Variants in ATP2B2 observed in about 807,000 individuals in gnomAD.
The protein encoded by ATP2B2 is plasma membrane calcium-transporting ATPase 2.
ATP2B2 carries 15 observed loss-of-function variants against 120.0 expected under a neutral mutation model. That is an observed-to-expected ratio of 0.12 (90% CI 0.08 to 0.19). The LOEUF is 0.19. ATP2B2 is among the 10% of genes least tolerant of loss of function. The pLI is 1.00. For synonymous variants in ATP2B2, 694 were observed against 700.3 expected (o/e 0.99, Z 0.14); for missense variants, 1,045 against 1,719.8 (o/e 0.61, Z 6.94).
At chr3:10,659,386 AG>A (rs1276328230) in intron 1 of ATP2B2, among the ~76,000 whole-genome samples, 2 of 152,238 alleles carry the variant, frequency 1.3e-5, no homozygotes, top group Non-Finnish European at 2.9e-5. Context: ...CTCAAAATAA[AG>A]GGATGGAGGA....
intron 1 of ATP2B2, among the ~76,000 whole-genome samples, chr3:10,472,073 T>C (rs1440911303): frequency 2.1e-5 from 2 of 96,174 alleles, no homozygotes; most frequent in Admixed American, 1.4e-4. Flanking sequence ...AGAGCGAGAC[T>C]CCGTCTCAAA....
intron 2 of ATP2B2, among the ~76,000 whole-genome samples, chr3:10,557,093 T>C (rs2067797525): frequency 6.6e-6 from 1 of 152,178 alleles, no homozygotes; most frequent in South Asian, 2.1e-4. Flanking sequence ...GGTTCCCTTC[T>C]CCCTCTCCTG....
At chr3:10,606,058 C>T (rs894968616) in intron 2 of ATP2B2, among the ~76,000 whole-genome samples, 1 of 152,116 alleles carries the variant, frequency 6.6e-6, no homozygotes, top group Non-Finnish European at 1.5e-5. Flanking sequence ...TTCAAGGCTG[C>T]AGCGAGCTAC....
chr3:10,461,881 T>C (rs575090937), intron 1 of ATP2B2, among the ~76,000 whole-genome samples: 102 of 152,302 alleles, frequency 6.7e-4, no homozygotes, highest in African/African-American at 2.4e-3. Context: ...GGGTGGCTTC[T>C]GGTGAGGACC....
rs2059915302 is a variant in ATP2B2 at position 10,329,180 on chromosome 3, G to C, written c.3421-55C>G. On this transcript the variant is annotated intron_variant, in intron 22 of 22. Coordinates refer to ENST00000360273, the MANE Select transcript of ATP2B2 (RefSeq NM_001001331.4). This position sits in a 1 kb window ranked among gnomAD's most constrained non-coding sequence, Gnocchi z 5.9. ...CTGCCCAGGGACCACAGCCAGGCTC[G>C]GGGGGCTCACAGGAGGGGCGGGTGG... is the stretch of plus-strand genomic sequence containing the variant. The C allele has an allele frequency of 1.3e-6, 2 of 1,545,984 alleles. No homozygotes were observed. Among genetic ancestry groups the C allele is most frequent in the Non-Finnish European group, 1.8e-6 (2 of 1,130,480 alleles).
chr3:10,572,726 T>A (rs1177037075), intron 2 of ATP2B2, among the ~76,000 whole-genome samples: 1 of 152,184 alleles, frequency 6.6e-6, no homozygotes, highest in African/African-American at 2.4e-5. Context: ...CGCTCATTCA[T>A]ATTAATGGGT....
At chr3:10,679,313 C>T (rs2071324735) in intron 1 of ATP2B2, among the ~76,000 whole-genome samples, 2 of 152,216 alleles carry the variant, frequency 1.3e-5, no homozygotes, top group Non-Finnish European at 2.9e-5. Context: ...CCTTACATCA[C>T]AGGAATGTTT....
chr3:10,465,094 T>C (rs1559370711), intron 1 of ATP2B2, among the ~76,000 whole-genome samples: 1 of 152,220 alleles, frequency 6.6e-6, no homozygotes, highest in Non-Finnish European at 1.5e-5. Flanking sequence ...CCTGTCCTCA[T>C]GACTTGCCAA....
Position 10,325,728 on chromosome 3 carries a change from C to G in ATP2B2, c.*3086G>C, listed in dbSNP as rs2059846599. Reference sequence around the variant, plus strand: ...TGCAAGAAGGAAACTCCTCAGAGCTCTCTCTGCTCACCTCCAAAGATGAGT... The same window carrying G: ...TGCAAGAAGGAAACTCCTCAGAGCTGTCTCTGCTCACCTCCAAAGATGAGT... On this transcript the variant is annotated 3_prime_UTR_variant, in exon 23 of 23. Transcript: ENST00000360273. 6.6e-6 allele frequency: 1 copy of G among 152,210 alleles called. No homozygotes were observed. The highest frequency in any genetic ancestry group is 2.1e-4 in the South Asian group (1 of 4,826). 9.4% of individuals were successfully genotyped at this position (152,210 alleles called of 1,614,324 possible).
At chr3:10,588,698 C>T (rs1459774751) in intron 2 of ATP2B2, among the ~76,000 whole-genome samples, 1 of 152,176 alleles carries the variant, frequency 6.6e-6, no homozygotes, top group Non-Finnish European at 1.5e-5. Flanking sequence ...TCTGGGGCTC[C>T]CTTGCTGAGT....
intron 2 of ATP2B2, among the ~76,000 whole-genome samples, chr3:10,616,194 C>A (rs185011728): frequency 1.2e-4 from 18 of 152,256 alleles, no homozygotes; most frequent in African/African-American, 4.1e-4. Flanking sequence ...CTAACACCTG[C>A]CACTTCAGAA....
chr3:10,499,139 T>C (rs919257981), intron 1 of ATP2B2, among the ~76,000 whole-genome samples: 3 of 152,212 alleles, frequency 2.0e-5, no homozygotes, highest in African/African-American at 7.2e-5. Context: ...GGAGGCCACT[T>C]TCCATCAATT....
intron 22 of ATP2B2, chr3:10,336,139 A>G: frequency 6.4e-7 from 1 of 1,550,506 alleles, no homozygotes; most frequent in Non-Finnish European, 8.7e-7. Flanking sequence ...GCCCGGCTGC[A>G]GCAGGAGGAA....
chr3:10,478,854 G>A (rs976307931), intron 1 of ATP2B2, among the ~76,000 whole-genome samples: 1 of 152,142 alleles, frequency 6.6e-6, no homozygotes, highest in Non-Finnish European at 1.5e-5. Flanking sequence ...TAATTCCCAT[G>A]TGTAACCTGG....
At chr3:10,685,401 G>C (rs1004154460) in intron 1 of ATP2B2, among the ~76,000 whole-genome samples, 2 of 152,206 alleles carry the variant, frequency 1.3e-5, no homozygotes, top group African/African-American at 4.8e-5. Context: ...CTCTTGGAAG[G>C]CAAGTACTGC....
At chr3:10,527,148 T>G (rs1237730704) in intron 3 of ATP2B2, among the ~76,000 whole-genome samples, 1 of 152,224 alleles carries the variant, frequency 6.6e-6, no homozygotes, top group Non-Finnish European at 1.5e-5. Context: ...ACCTCTGAGC[T>G]GGGCAGGTAG....
intron 2 of ATP2B2, among the ~76,000 whole-genome samples, chr3:10,420,263 G>T (rs1412894616): frequency 6.6e-6 from 1 of 152,230 alleles, no homozygotes; most frequent in African/African-American, 2.4e-5. Context: ...ACAAAGCAAT[G>T]AAATGGGACA....
At chr3:10,629,881 G>C (rs1367027625) in intron 1 of ATP2B2, among the ~76,000 whole-genome samples, 1 of 152,212 alleles carries the variant, frequency 6.6e-6, no homozygotes. Flanking sequence ...ACCCACATGG[G>C]TATCGATGCT....
intron 1 of ATP2B2, among the ~76,000 whole-genome samples, chr3:10,628,053 C>T (rs928930906): frequency 3.9e-5 from 6 of 152,030 alleles, no homozygotes; most frequent in Admixed American, 1.3e-4. Context: ...AGGCCTATTG[C>T]GGGATGGGCG....
Sources: gnomAD v4.1 joint callset for allele counts (sites outside exome capture counted in the v4.1 genomes callset) on GRCh38, gnomAD v4.1.1 for gene constraint, Gnocchi (gnomAD v3.1) non-coding constraint, MANE v1.5 for transcripts, NCBI Gene and HGNC (gene_info 2026-07-23, HGNC 2026-07-21) for gene names.